Variants in MYRFL observed in about 807,000 individuals in gnomAD.
MYRFL encodes the protein myelin regulatory factor like.
Under a neutral mutation model 109.4 loss-of-function variants are expected in MYRFL, and 88 were observed. That is an observed-to-expected ratio of 0.80 (90% CI 0.68 to 0.96). The LOEUF (loss-of-function observed/expected upper bound fraction) is 0.96, where lower values mean the gene tolerates loss of function less well. MYRFL is among the 40% of genes least tolerant of loss of function. MYRFL has a pLI of 0.00. For missense variants in MYRFL, 957 were observed against 954.9 expected (o/e 1.00, Z -0.03); for synonymous variants, 324 against 320.9 (o/e 1.01, Z -0.10).
At chr12:69,894,333 T>C (rs1887095595) in intron 8 of MYRFL, among the ~76,000 whole-genome samples, 3 of 152,222 alleles carry the variant, frequency 2.0e-5, no homozygotes, top group South Asian at 4.1e-4. Flanking sequence ...TATGAATATA[T>C]GTTTATCAAC....
At chr12:69,868,718 C>T (rs2136327825) in intron 2 of MYRFL, among the ~76,000 whole-genome samples, 1 of 152,290 alleles carries the variant, frequency 6.6e-6, no homozygotes, top group South Asian at 2.1e-4. Context: ...CTGCCAAAAC[C>T]CTTTCCTGTA....
At chr12:69,867,724 A>G (rs959565620) in intron 2 of MYRFL, among the ~76,000 whole-genome samples, 4 of 152,212 alleles carry the variant, frequency 2.6e-5, no homozygotes, top group Non-Finnish European at 4.4e-5. Flanking sequence ...TGCCATCACT[A>G]TAGTGGGGTT....
chr12:69,897,470 G>T (rs1327338989), intron 10 of MYRFL, among the ~76,000 whole-genome samples: 1 of 152,148 alleles, frequency 6.6e-6, no homozygotes, highest in South Asian at 2.1e-4. Flanking sequence ...GTCACAGCTG[G>T]CATCTAGTGG....
intron 1 of MYRFL, among the ~76,000 whole-genome samples, chr12:69,842,623 T>C (rs1422946420): frequency 6.6e-6 from 1 of 152,228 alleles, no homozygotes. Flanking sequence ...GTCTCTACCA[T>C]GTTCTTCACC....
At chr12:69,952,590 T>A (rs906660763) in intron 20 of MYRFL, among the ~76,000 whole-genome samples, 1 of 152,194 alleles carries the variant, frequency 6.6e-6, no homozygotes. Context: ...TGAGTTTTTA[T>A]TAGTTTTTCT....
intron 1 of MYRFL, among the ~76,000 whole-genome samples, chr12:69,840,674 A>C (rs1378861619): frequency 2.0e-5 from 3 of 152,240 alleles, no homozygotes; most frequent in Non-Finnish European, 4.4e-5. Flanking sequence ...ATTTCCTCCG[A>C]GAGTCTCCTA....
chr12:69,863,265 A>G (rs1258110255), intron 2 of MYRFL, among the ~76,000 whole-genome samples: 1 of 152,138 alleles, frequency 6.6e-6, no homozygotes, highest in Non-Finnish European at 1.5e-5. Flanking sequence ...CTGGCCTCAT[A>G]AAATGTGTTA....
At chr12:69,939,863 T>C (rs1955588250) in intron 19 of MYRFL, among the ~76,000 whole-genome samples, 1 of 152,064 alleles carries the variant, frequency 6.6e-6, no homozygotes, top group African/African-American at 2.4e-5. Context: ...CTGATGGAGC[T>C]GAAAACCAAG....
At chr12:69,890,720 G>A (rs1347318182) in intron 6 of MYRFL, among the ~76,000 whole-genome samples, 1 of 152,210 alleles carries the variant, frequency 6.6e-6, no homozygotes, top group South Asian at 2.1e-4. Flanking sequence ...AGGGGACAGA[G>A]CAAGACTGTC....
At chr12:69,906,731 G>C (rs1162083680) in intron 11 of MYRFL, among the ~76,000 whole-genome samples, 11 of 152,206 alleles carry the variant, frequency 7.2e-5, no homozygotes, top group Admixed American at 5.2e-4. Context: ...AAGTTCCTTT[G>C]CTCAGGGTGA....
chr12:69,941,602 C>T (rs1086226), intron 19 of MYRFL, among the ~76,000 whole-genome samples: 32,551 of 102,436 alleles, frequency 0.32, 5,146 homozygotes, highest in Middle Eastern at 0.37. Flanking sequence ...AAAATTGACA[C>T]CCTAACATCA....
intron 1 of MYRFL, among the ~76,000 whole-genome samples, chr12:69,853,554 A>C: frequency 7.6e-6 from 1 of 132,122 alleles, no homozygotes; most frequent in African/African-American, 2.9e-5. Flanking sequence ...ATCTCAGACG[A>C]CGGGCGGCCA....
chr12:69,914,936 C>T (rs958866657), intron 13 of MYRFL, among the ~76,000 whole-genome samples: 11 of 152,222 alleles, frequency 7.2e-5, no homozygotes, highest in African/African-American at 2.7e-4. Flanking sequence ...TGTAACACCA[C>T]AAGCAAGTGA....
At chr12:69,853,206 G>T (rs1206248237) in intron 1 of MYRFL, among the ~76,000 whole-genome samples, 1 of 151,334 alleles carries the variant, frequency 6.6e-6, no homozygotes, top group African/African-American at 2.4e-5. Flanking sequence ...CAGCTGCCGG[G>T]CAGGGGCTGC....
rs545225564 is a variant in MYRFL at position 69,924,138 on chromosome 12, G to A, written c.1603-2433G>A. 4.1e-5 allele frequency among the ~76,000 whole-genome samples: 6 copies of A among 144,768 alleles called. No homozygotes were observed. In the South Asian group the frequency reaches 1.3e-3, roughly 31 times the overall value. The allele number at this position is 144,768 out of a possible 152,430, so 95.0% of individuals were successfully genotyped here. A position where few individuals can be genotyped will look rare whatever the true frequency, so the allele number is the denominator to read the frequency against. On this transcript the variant is annotated intron_variant, in intron 13 of 24. Transcript: ENST00000552032. ...CGGGAGGCAGAGCTTGCAGTGAGCC[G>A]AGATCATGCCACTGCACTCCAGCCT...
At chr12:69,937,676 C>T (rs776277578) in intron 19 of MYRFL, among the ~76,000 whole-genome samples, 18 of 152,168 alleles carry the variant, frequency 1.2e-4, no homozygotes, top group African/African-American at 2.7e-4. Context: ...AATTTTTAAA[C>T]GGATGGGGAA....
In MYRFL at chr12:69,938,877, C is replaced by T. The variant is rs919131060; in HGVS notation, c.2224+2245C>T. On this transcript the variant is annotated intron_variant, in intron 19 of 24. Coordinates refer to ENST00000552032, the MANE Select transcript of MYRFL (RefSeq NM_182530.3). Reference sequence around the variant, plus strand: ...GAAGCAGGGCGAGGCATTGCCTCACCCGGGAAGCGCAGGGTTCAGGGAGTT... The same window carrying T: ...GAAGCAGGGCGAGGCATTGCCTCACTCGGGAAGCGCAGGGTTCAGGGAGTT... Among the ~76,000 whole-genome samples, 9 of 152,196 alleles carry T rather than the reference C, an allele frequency of 5.9e-5. No homozygotes were observed. The East Asian group carries it at 1.7e-3, about 30-fold the overall frequency.
At chr12:69,924,056 GT>G (rs1489327666) in intron 13 of MYRFL, among the ~76,000 whole-genome samples, 5 of 151,902 alleles carry the variant, frequency 3.3e-5, no homozygotes, top group African/African-American at 1.2e-4. Context: ...GGGCGTGGTG[GT>G]GGGCACCTGT....
intron 13 of MYRFL, among the ~76,000 whole-genome samples, chr12:69,922,041 C>T (rs1345159521): frequency 2.6e-5 from 4 of 151,974 alleles, no homozygotes; most frequent in Admixed American, 2.6e-4. Context: ...TCAGTAGTGT[C>T]AGTGAGGATG....
Sources: allele counts gnomAD v4.1 joint callset (sites outside exome capture counted in the v4.1 genomes callset), GRCh38; gene constraint gnomAD v4.1.1; transcripts MANE v1.5; gene names NCBI Gene and HGNC (gene_info 2026-07-23, HGNC 2026-07-21).